DACH1: variants seen among roughly 807,000 people sequenced by gnomAD.
DACH1 encodes the protein dachshund family transcription factor 1, also known as dachshund homolog 1.
Under a neutral mutation model 54.2 loss-of-function variants are expected in DACH1, and 12 were observed. The observed-to-expected ratio is 0.22, with a 90% CI of 0.14 to 0.36. The LOEUF (loss-of-function observed/expected upper bound fraction) is 0.36, where lower values mean the gene tolerates loss of function less well. DACH1 is among the 10% of genes least tolerant of loss of function. The pLI is 1.00. For missense variants in DACH1, 805 were observed against 929.8 expected (o/e 0.87, Z 1.75); for synonymous variants, 386 against 366.2 (o/e 1.05, Z -0.62).
Position 71,502,811 on chromosome 13 carries a change from T to A in DACH1, c.1571-13663A>T, listed in dbSNP as rs1362067689. ...CACCGTCTTTCAGTATTGGACACTA[T>A]TCCTTCCCTGACTGCGTCAATGTGT... is the stretch of plus-strand genomic sequence containing the variant. On this transcript the variant is annotated intron_variant, in intron 6 of 10. Coordinates refer to ENST00000613252, the MANE Select transcript of DACH1 (RefSeq NM_080759.6). 5.3e-5 allele frequency among the ~76,000 whole-genome samples: 8 copies of A among 152,338 alleles called. No homozygotes were observed. The South Asian group carries it at 1.4e-3, about 28-fold the overall frequency.
intron 6 of DACH1, among the ~76,000 whole-genome samples, chr13:71,520,422 A>G (rs573389910): frequency 6.6e-6 from 1 of 151,822 alleles, no homozygotes; most frequent in African/African-American, 2.4e-5. Context: ...AAAACTCTAA[A>G]CAAGAATTAG....
At chr13:71,611,837 T>A (rs1875352619) in intron 3 of DACH1, among the ~76,000 whole-genome samples, 1 of 152,278 alleles carries the variant, frequency 6.6e-6, no homozygotes, top group Non-Finnish European at 1.5e-5. Context: ...TTGCCTCCTT[T>A]TTATTATTAT....
At chr13:71,807,577 C>T (rs375748618) in intron 1 of DACH1, among the ~76,000 whole-genome samples, 63 of 152,034 alleles carry the variant, frequency 4.1e-4, no homozygotes, top group African/African-American at 1.4e-3. Flanking sequence ...GCTTTAATTC[C>T]AAAAAACAAA....
At chr13:71,671,291 T>A (rs1023621739) in intron 2 of DACH1, among the ~76,000 whole-genome samples, 2 of 151,524 alleles carry the variant, frequency 1.3e-5, no homozygotes, top group East Asian at 3.9e-4. Context: ...CTCTTTCAAT[T>A]GGAAAAAAAA....
intron 1 of DACH1, 136 bp from the exon 2 acceptor site, chr13:71,682,046 A>G (rs1880935017): frequency 3.6e-6 from 2 of 552,692 alleles, no homozygotes; most frequent in South Asian, 5.0e-5. Context: ...GATGTAATAG[A>G]CTTCCATCAC....
At chr13:71,458,794 C>T (rs951039863) in intron 10 of DACH1, among the ~76,000 whole-genome samples, 3 of 151,656 alleles carry the variant, frequency 2.0e-5, no homozygotes, top group African/African-American at 7.3e-5. Flanking sequence ...TAAATAAAAC[C>T]TGACCTAAAA....
chr13:71,831,954 C>A (rs1888609942), intron 1 of DACH1, among the ~76,000 whole-genome samples: 1 of 151,832 alleles, frequency 6.6e-6, no homozygotes, highest in African/African-American at 2.4e-5. Flanking sequence ...CTTGTGAAAC[C>A]CTGTCCACAC....
At chr13:71,738,417 C>G (rs1832916302) in intron 1 of DACH1, among the ~76,000 whole-genome samples, 1 of 151,924 alleles carries the variant, frequency 6.6e-6, no homozygotes, top group African/African-American at 2.4e-5. Flanking sequence ...AGGATGGAAA[C>G]AAGCAAAATG....
At chr13:71,814,422 T>C (rs1053791899) in intron 1 of DACH1, among the ~76,000 whole-genome samples, 1 of 152,228 alleles carries the variant, frequency 6.6e-6, no homozygotes. Flanking sequence ...GTAACATCGG[T>C]ATAAAGAGAT....
intron 2 of DACH1, among the ~76,000 whole-genome samples, chr13:71,664,571 A>G (rs1031611540): frequency 1.3e-5 from 2 of 152,014 alleles, no homozygotes; most frequent in South Asian, 2.1e-4. Flanking sequence ...TGAATTTACC[A>G]TATTTGCTTT....
chr13:71,537,300 T>C (rs569014778), intron 6 of DACH1, among the ~76,000 whole-genome samples: 54 of 152,250 alleles, frequency 3.5e-4, no homozygotes, highest in African/African-American at 1.3e-3. Flanking sequence ...AGAAGCCTCT[T>C]GGTGCCATCC....
chr13:71,852,599 T>C (rs1240030015), intron 1 of DACH1, among the ~76,000 whole-genome samples: 4 of 152,184 alleles, frequency 2.6e-5, no homozygotes, highest in South Asian at 4.1e-4. Flanking sequence ...TAAGTTTACA[T>C]TGTTTGGAGC....
In DACH1 at chr13:71,752,151, C is replaced by T. The variant is rs142804889; in HGVS notation, c.849-70241G>A. 1.2e-3 allele frequency among the ~76,000 whole-genome samples: 183 copies of T among 152,218 alleles called. 2 individuals are homozygous for T. The highest frequency in any genetic ancestry group is 4.1e-3 in the African/African-American group (170 of 41,554). On this transcript the variant is annotated intron_variant, in intron 1 of 10. Coordinates refer to ENST00000613252, the MANE Select transcript of DACH1 (RefSeq NM_080759.6). ...TTTTAAGATTAGCATAGAAAACATA[C>T]GGATAACTCAATATAAATGCATGTC...
At chr13:71,455,764 T>A (rs1875505027) in intron 10 of DACH1, among the ~76,000 whole-genome samples, 1 of 152,120 alleles carries the variant, frequency 6.6e-6, no homozygotes, top group Admixed American at 6.5e-5. Flanking sequence ...CAAGGCAACA[T>A]ATTTAGTGTT....
intron 2 of DACH1, among the ~76,000 whole-genome samples, chr13:71,633,425 A>G (rs977993928): frequency 2.0e-5 from 3 of 152,202 alleles, no homozygotes; most frequent in Non-Finnish European, 4.4e-5. Context: ...CAGCCCTCTC[A>G]GCTAGAATAA....
intron 1 of DACH1, among the ~76,000 whole-genome samples, chr13:71,800,943 G>C (rs1474161571): frequency 6.6e-6 from 1 of 151,966 alleles, no homozygotes; most frequent in Non-Finnish European, 1.5e-5. Flanking sequence ...GAACAAATTA[G>C]TCTTAAATGG....
At chr13:71,645,102 G>A (rs1878174423) in intron 2 of DACH1, among the ~76,000 whole-genome samples, 1 of 152,192 alleles carries the variant, frequency 6.6e-6, no homozygotes, top group African/African-American at 2.4e-5. Flanking sequence ...CATTAAATTA[G>A]TAGAGGGTTT....
chr13:71,561,797 A>G lies in DACH1; in HGVS notation c.1300-1842T>C, dbSNP rs1456919145. Among the ~76,000 whole-genome samples, 3 of 152,108 alleles carry G rather than the reference A, an allele frequency of 2.0e-5. No homozygotes were observed. The East Asian group carries it at 5.8e-4, about 29-fold the overall frequency. ...AGCTGTACTTTTGTCACACTCTTTT[A>G]ATTTTTCAATGATGTACATTGCCAA... On this transcript the variant is annotated intron_variant, in intron 4 of 10. Transcript: ENST00000613252.
chr13:71,716,313 A>T lies in DACH1; in HGVS notation c.849-34403T>A, dbSNP rs200249164. Among the ~76,000 whole-genome samples the T allele has an allele frequency of 3.9e-5, 6 of 152,218 alleles. No individual in the cohort carries two copies. In the East Asian group the frequency reaches 1.2e-3, roughly 29 times the overall value. ...CCTAAGTGTTCTATATAGAAATAAC[A>T]TTATAGCACATTCAGTGCCTTCTGC... On this transcript the variant is annotated intron_variant, in intron 1 of 10. Transcript: ENST00000613252.
Sources: gnomAD v4.1 joint callset for allele counts (sites outside exome capture counted in the v4.1 genomes callset) on GRCh38, gnomAD v4.1.1 for gene constraint, MANE v1.5 for transcripts, NCBI Gene and HGNC (gene_info 2026-07-23, HGNC 2026-07-21) for gene names.